The following PPP2R2B variants were observed in gnomAD, a reference collection of about 807,000 sequenced individuals.
The protein encoded by PPP2R2B is serine/threonine-protein phosphatase 2A 55 kDa regulatory subunit B beta isoform.
A neutral mutation model predicts 46.0 loss-of-function variants in PPP2R2B; 5 were observed. The ratio of observed to expected loss-of-function variants is 0.11; its 90% CI spans 0.06 to 0.23. The LOEUF (loss-of-function observed/expected upper bound fraction) is 0.23. Ranked by LOEUF, PPP2R2B falls within the 10% of genes least tolerant of loss-of-function variation. The probability of loss-of-function intolerance (pLI) is 1.00; values close to 1 mark genes in which losing one functional copy is unlikely to be tolerated. For missense variants in PPP2R2B, 367 were observed against 575.0 expected (o/e 0.64, Z 3.70); for synonymous variants, 215 against 206.7 (o/e 1.04, Z -0.34).
intron 2 of PPP2R2B, among the ~76,000 whole-genome samples, chr5:146,770,002 C>G (rs1561892677): frequency 6.6e-6 from 1 of 151,498 alleles, no homozygotes; most frequent in Non-Finnish European, 1.5e-5. Context: ...TTTATACTAG[C>G]AAAAAAAATC....
rs35023590 is a variant in PPP2R2B at position 146,808,958 on chromosome 5, GGTGTGTGTGTGT to G, written c.70+69032_70+69043del. On this transcript the variant is annotated intron_variant, in intron 2 of 9. Transcript: ENST00000394411. ...GGCAGAAATGCCAGCTGCTAACACT[GGTGTGTGTGTGT>G]GTGTGTGTGTGTGTGTGTGTGTGTG... Among the ~76,000 whole-genome samples the G allele has an allele frequency of 2.0e-4, 30 of 146,374 alleles. 1 individual carries two copies. In the South Asian group the frequency reaches 4.3e-3, roughly 21 times the overall value.
chr5:146,721,768 C>A (rs1349430815), intron 2 of PPP2R2B, among the ~76,000 whole-genome samples: 1 of 152,204 alleles, frequency 6.6e-6, no homozygotes, highest in Non-Finnish European at 1.5e-5. Flanking sequence ...TTATCAGGAG[C>A]CCACTGTGTG....
Position 146,590,028 on chromosome 5 carries a change from A to G in PPP2R2B, c.1251T>C (p.His417=), listed in dbSNP as rs1167813722. 6 of 1,614,064 alleles carry G rather than the reference A, an allele frequency of 3.7e-6. No homozygotes were observed. In the Admixed American group the frequency reaches 1.0e-4, roughly 27 times the overall value. The change falls in exon 10 of 10, where the codon CAT becomes CAC. Residue 417 remains histidine, a synonymous_variant. Transcript: ENST00000394411. ...TATTTTCTGAAGGATGCCAAGCTGT[A>G]TGCAAGATCTTTTTGCTAAAGTCCA... ...DSLDFSKKIL[H]TAWHPSENII... is the part of the protein sequence containing the mutation.
intron 1 of PPP2R2B, among the ~76,000 whole-genome samples, chr5:146,950,447 A>C (rs930700825): frequency 6.6e-6 from 1 of 152,052 alleles, no homozygotes; most frequent in African/African-American, 2.4e-5. Context: ...TTTTTAAAAA[A>C]AATTTAAGTT....
chr5:146,702,914 GTTT>G (rs1779627596), intron 2 of PPP2R2B, among the ~76,000 whole-genome samples: 2 of 152,198 alleles, frequency 1.3e-5, no homozygotes, highest in African/African-American at 4.8e-5. Context: ...CCAGATGTAA[GTTT>G]AGAAGGTCCA....
At chr5:146,743,746 C>G (rs1170760592) in intron 2 of PPP2R2B, among the ~76,000 whole-genome samples, 4 of 152,102 alleles carry the variant, frequency 2.6e-5, no homozygotes, top group South Asian at 4.1e-4. Context: ...AGAAAGAAAA[C>G]AGGCACTAAA....
chr5:146,970,013 T>C (rs2151847640), intron 1 of PPP2R2B, among the ~76,000 whole-genome samples: 1 of 152,318 alleles, frequency 6.6e-6, no homozygotes, highest in African/African-American at 2.4e-5. Flanking sequence ...TGTATGGATG[T>C]AATCATCCAG....
chr5:146,842,493 T>A lies in PPP2R2B; in HGVS notation c.70+35509A>T, dbSNP rs867475386. Among the ~76,000 whole-genome samples, 724 of 151,944 alleles carry A rather than the reference T, an allele frequency of 4.8e-3. 6 individuals are homozygous for A. Among genetic ancestry groups the A allele is most frequent in the African/African-American group, 0.015 (642 of 41,430 alleles). ...ATACCTCCATGCCCTTTTTTTTTTTTTTTTTTAAAGTTCAGGGTTACATGT... is the reference window on the plus strand; with the variant it reads ...ATACCTCCATGCCCTTTTTTTTTTTATTTTTTAAAGTTCAGGGTTACATGT... On this transcript the variant is annotated intron_variant, in intron 2 of 9. Transcript: ENST00000394411.
At chr5:146,995,744 G>T (rs1304306976) in intron 1 of PPP2R2B, among the ~76,000 whole-genome samples, 1 of 152,136 alleles carries the variant, frequency 6.6e-6, no homozygotes, top group Non-Finnish European at 1.5e-5. Context: ...TTCCCAAGAA[G>T]ATATGAGTAA....
chr5:146,850,549 T>C (rs533259353), intron 2 of PPP2R2B, among the ~76,000 whole-genome samples: 2 of 152,298 alleles, frequency 1.3e-5, no homozygotes, highest in South Asian at 4.1e-4. Context: ...GCTACTACCA[T>C]AAAGCCCTTG....
intron 2 of PPP2R2B, among the ~76,000 whole-genome samples, chr5:146,819,001 C>T (rs887496073): frequency 3.9e-5 from 6 of 152,280 alleles, no homozygotes; most frequent in Admixed American, 3.3e-4. Flanking sequence ...AACAGATGGC[C>T]TTCTCTGCAT....
intron 6 of PPP2R2B, among the ~76,000 whole-genome samples, chr5:146,646,311 G>T (rs1775577379): frequency 1.3e-5 from 2 of 152,286 alleles, no homozygotes; most frequent in South Asian, 4.2e-4. Context: ...TGCAAAAAGA[G>T]TTCAAAGGAT....
chr5:147,037,960 A>C (rs527702469), intron 1 of PPP2R2B, among the ~76,000 whole-genome samples: 20 of 152,166 alleles, frequency 1.3e-4, no homozygotes, highest in Non-Finnish European at 2.6e-4. Context: ...AATGAGTAAT[A>C]AAGTTATATA....
At chr5:146,632,566 C>A (rs896332089) in intron 7 of PPP2R2B, among the ~76,000 whole-genome samples, 1 of 152,094 alleles carries the variant, frequency 6.6e-6, no homozygotes, top group African/African-American at 2.4e-5. Flanking sequence ...GAGATAAAGT[C>A]CCTGTCTTCA....
rs1235605164 is a variant in PPP2R2B at position 146,587,628 on chromosome 5, T to C, written c.*2319A>G. ...TTTGATGCCCCTAAGGGCATAAATC[T>C]TCTGTCATATCAGTTACTCAGGGTC... On this transcript the variant is annotated 3_prime_UTR_variant, in exon 10 of 10. Coordinates refer to ENST00000394411, the MANE Select transcript of PPP2R2B (RefSeq NM_181675.4). The C allele has an allele frequency of 6.6e-6, 1 of 152,208 alleles. No individual in the cohort carries two copies. Among genetic ancestry groups the C allele is most frequent in the Non-Finnish European group, 1.5e-5 (1 of 68,036 alleles). The allele number at this position is 152,208 out of a possible 1,614,324, so 9.4% of individuals were successfully genotyped here.
intron 7 of PPP2R2B, among the ~76,000 whole-genome samples, chr5:146,620,667 C>G (rs934805880): frequency 1.3e-5 from 2 of 152,136 alleles, no homozygotes; most frequent in Non-Finnish European, 2.9e-5. Flanking sequence ...GGCAGCATCC[C>G]CAGGCCCCTG....
Position 146,593,048 on chromosome 5 carries a change from G to C in PPP2R2B, c.975C>G (p.Leu325=), listed in dbSNP as rs1488317613. Residue 325 remains leucine, a synonymous_variant, in exon 9 of 10, where the codon CTC becomes CTG. Coordinates refer to ENST00000394411, the MANE Select transcript of PPP2R2B (RefSeq NM_181675.4). ...PIETYQVHDY[L]RSKLCSLYEN... ...CATAGAGGGAACACAGCTTGCTGCGGAGGTAGTCATGAACCTGGAGAGGAA... is the reference window on the plus strand; with the variant it reads ...CATAGAGGGAACACAGCTTGCTGCGCAGGTAGTCATGAACCTGGAGAGGAA... The C allele has an allele frequency of 6.2e-7, 1 of 1,613,420 alleles. No individual in the cohort carries two copies. The highest frequency in any genetic ancestry group is 8.5e-7 in the Non-Finnish European group (1 of 1,179,328).
chr5:147,026,863 G>T (rs1487381374), intron 1 of PPP2R2B, among the ~76,000 whole-genome samples: 1 of 152,016 alleles, frequency 6.6e-6, no homozygotes, highest in Non-Finnish European at 1.5e-5. Context: ...TAACTACTTT[G>T]GAAAATAGTT....
At chr5:146,761,597 C>T (rs1025038075) in intron 2 of PPP2R2B, among the ~76,000 whole-genome samples, 1 of 151,180 alleles carries the variant, frequency 6.6e-6, no homozygotes, top group Non-Finnish European at 1.5e-5. Context: ...TGCACATGTA[C>T]CCTAAAACTT....
Sources: allele counts gnomAD v4.1 joint callset (sites outside exome capture counted in the v4.1 genomes callset), GRCh38; gene constraint gnomAD v4.1.1; transcripts MANE v1.5; gene names NCBI Gene and HGNC (gene_info 2026-07-23, HGNC 2026-07-21).